ZNF804B: variants seen among roughly 807,000 people sequenced by gnomAD.
The protein encoded by ZNF804B is zinc finger 804B.
A neutral mutation model predicts 101.4 loss-of-function variants in ZNF804B; 80 were observed. That is an observed-to-expected ratio of 0.79 (90% CI 0.66 to 0.95). The LOEUF is 0.95. Ranked by LOEUF, ZNF804B falls within the 40% of genes least tolerant of loss-of-function variation. The probability of loss-of-function intolerance (pLI) is 0.00; values close to 1 mark genes in which losing one functional copy is unlikely to be tolerated. For missense variants in ZNF804B, 1,673 were observed against 1,561.9 expected (o/e 1.07, Z -1.20); for synonymous variants, 622 against 558.8 (o/e 1.11, Z -1.59).
chr7:89,031,990 C>G (rs1788843653), intron 1 of ZNF804B, among the ~76,000 whole-genome samples: 1 of 151,624 alleles, frequency 6.6e-6, no homozygotes, highest in Non-Finnish European at 1.5e-5. Flanking sequence ...TTGATACAAC[C>G]TGTTCAGTGG....
chr7:89,308,089 TGA>T (rs1412584910), intron 2 of ZNF804B, among the ~76,000 whole-genome samples: 2 of 152,156 alleles, frequency 1.3e-5, no homozygotes, highest in Non-Finnish European at 2.9e-5. Flanking sequence ...AGAAAAAAAG[TGA>T]GTCTTCTGAG....
intron 2 of ZNF804B, 118 bp downstream of exon 2, chr7:89,218,413 C>A: frequency 8.3e-7 from 1 of 1,208,292 alleles, no homozygotes; most frequent in Non-Finnish European, 1.2e-6. Context: ...CATTTTATGT[C>A]TTTTTTCCCC....
At chr7:89,064,604 C>A (rs773271476) in intron 1 of ZNF804B, among the ~76,000 whole-genome samples, 1 of 152,058 alleles carries the variant, frequency 6.6e-6, no homozygotes, top group Non-Finnish European at 1.5e-5. Context: ...AACAAAAATC[C>A]TGATCCTTTC....
chr7:89,067,564 CAG>C (rs1789472317), intron 1 of ZNF804B, among the ~76,000 whole-genome samples: 2 of 152,152 alleles, frequency 1.3e-5, no homozygotes, highest in African/African-American at 4.8e-5. Flanking sequence ...TGCCAACACT[CAG>C]TGTTATTGGC....
intron 1 of ZNF804B, among the ~76,000 whole-genome samples, chr7:88,887,831 G>A (rs1347083036): frequency 6.6e-6 from 1 of 151,262 alleles, no homozygotes; most frequent in Non-Finnish European, 1.5e-5. Context: ...ATCCTACCCA[G>A]TCTCCACAAA....
rs73393249 is a variant in ZNF804B at position 89,123,429 on chromosome 7, T to C, written c.109-94726T>C. 7.5e-3 allele frequency among the ~76,000 whole-genome samples: 1,140 copies of C among 152,296 alleles called. 17 individuals are homozygous for C. Among genetic ancestry groups the C allele is most frequent in the African/African-American group, 0.026 (1,065 of 41,562 alleles). On this transcript the variant is annotated intron_variant, in intron 1 of 3. Transcript: ENST00000333190. ...AGATGTATTACAGATGCATCAGTGA[T>C]ACACTGTAAATCGATACCTTGAAAT...
In ZNF804B at chr7:88,826,790, G is replaced by A. The variant is rs146347959; in HGVS notation, c.108+66706G>A. 2.4e-3 allele frequency among the ~76,000 whole-genome samples: 369 copies of A among 152,160 alleles called. 3 individuals are homozygous for A. The highest frequency in any genetic ancestry group is 8.1e-3 in the African/African-American group (336 of 41,530). On this transcript the variant is annotated intron_variant, in intron 1 of 3. Transcript: ENST00000333190. ...GTTACATAATTTCAGAGCCAGAAGC[G>A]ATCCTGGAAAATTTATGCAGTATTA... is the stretch of plus-strand genomic sequence containing the variant.
intron 1 of ZNF804B, among the ~76,000 whole-genome samples, chr7:88,949,881 G>C (rs541478879): frequency 5.9e-5 from 9 of 151,864 alleles, no homozygotes; most frequent in Non-Finnish European, 1.2e-4. Context: ...GGAGCGGTAG[G>C]CTATATCATG....
At chr7:89,024,157 T>C (rs1282217587) in intron 1 of ZNF804B, among the ~76,000 whole-genome samples, 1 of 152,220 alleles carries the variant, frequency 6.6e-6, no homozygotes, top group Non-Finnish European at 1.5e-5. Flanking sequence ...AGATATAACG[T>C]AGACTATGAA....
chr7:89,273,472 G>T (rs542732242), intron 2 of ZNF804B, among the ~76,000 whole-genome samples: 1 of 152,132 alleles, frequency 6.6e-6, no homozygotes, highest in South Asian at 2.1e-4. Context: ...ACTTAAAGTG[G>T]TCAAGTTCTA....
chr7:88,805,846 C>A (rs1443238577), intron 1 of ZNF804B, among the ~76,000 whole-genome samples: 2 of 152,106 alleles, frequency 1.3e-5, no homozygotes, highest in African/African-American at 2.4e-5. Flanking sequence ...TACATATGTG[C>A]CACTGTTGGC....
chr7:88,923,681 T>C (rs945528806), intron 1 of ZNF804B, among the ~76,000 whole-genome samples: 1 of 152,094 alleles, frequency 6.6e-6, no homozygotes, highest in East Asian at 1.9e-4. Flanking sequence ...ATTAATTCTG[T>C]CATCTTTCTC....
intron 2 of ZNF804B, among the ~76,000 whole-genome samples, chr7:89,272,030 A>T (rs1789906507): frequency 6.6e-6 from 1 of 152,044 alleles, no homozygotes; most frequent in South Asian, 2.1e-4. Context: ...TAAGGTTCAA[A>T]ATTCTTAGTA....
chr7:88,948,128 A>G lies in ZNF804B; in HGVS notation c.108+188044A>G, dbSNP rs187904841. 8.9e-3 allele frequency among the ~76,000 whole-genome samples: 1,358 copies of G among 151,918 alleles called. 17 individuals are homozygous for G. The highest frequency in any genetic ancestry group is 0.012 in the Non-Finnish European group (813 of 67,878). On this transcript the variant is annotated intron_variant, in intron 1 of 3. Coordinates refer to ENST00000333190, the MANE Select transcript of ZNF804B (RefSeq NM_181646.5). ...CCAGGAGACTTTCCAGATCTCCTTG[A>G]TAACCGGAGATGGGGACTTCCCAGA...
chr7:89,071,160 T>G (rs1789532946), intron 1 of ZNF804B, among the ~76,000 whole-genome samples: 2 of 152,150 alleles, frequency 1.3e-5, no homozygotes, highest in Admixed American at 6.6e-5. Flanking sequence ...AAAAACTATG[T>G]ACATGTTCAA....
In ZNF804B at chr7:89,131,409, A is replaced by G. The variant is rs550119241; in HGVS notation, c.109-86746A>G. ...GTAATAAAATATTGCCAGCCTTCAT[A>G]GGCAACTCATCATCACTGTTAAAAC... is the stretch of plus-strand genomic sequence containing the variant. On this transcript the variant is annotated intron_variant, in intron 1 of 3. Coordinates refer to ENST00000333190, the MANE Select transcript of ZNF804B (RefSeq NM_181646.5). Among the ~76,000 whole-genome samples, 4 of 152,132 alleles carry G rather than the reference A, an allele frequency of 2.6e-5. No individual in the cohort carries two copies. The South Asian group carries it at 8.3e-4, about 32-fold the overall frequency.
At chr7:89,291,047 T>C (rs911790385) in intron 2 of ZNF804B, among the ~76,000 whole-genome samples, 4 of 152,220 alleles carry the variant, frequency 2.6e-5, no homozygotes, top group Admixed American at 6.5e-5. Context: ...AGTACCTCTA[T>C]AGGTCTGCAA....
chr7:89,008,061 GA>G (rs1788396164), intron 1 of ZNF804B, among the ~76,000 whole-genome samples: 2 of 152,034 alleles, frequency 1.3e-5, no homozygotes, highest in South Asian at 4.1e-4. Context: ...CTAGATAATA[GA>G]AAATCGGTTA....
Position 89,042,362 on chromosome 7 carries a change from T to C in ZNF804B, c.109-175793T>C, listed in dbSNP as rs377728233. On this transcript the variant is annotated intron_variant, in intron 1 of 3. Coordinates refer to ENST00000333190, the MANE Select transcript of ZNF804B (RefSeq NM_181646.5). The stretch of plus-strand genomic sequence containing the variant: ...ATGAAAGAAACCAGTTTGAGGTGTT[T>C]CATGAGGGTTTTTCATAGAGAATAT... Among the ~76,000 whole-genome samples, 5 of 152,262 alleles carry C rather than the reference T, an allele frequency of 3.3e-5. No individual in the cohort carries two copies. In the South Asian group the frequency reaches 1.0e-3, roughly 32 times the overall value.
Sources: gnomAD v4.1 joint callset for allele counts (sites outside exome capture counted in the v4.1 genomes callset) on GRCh38, gnomAD v4.1.1 for gene constraint, MANE v1.5 for transcripts, NCBI Gene and HGNC (gene_info 2026-07-23, HGNC 2026-07-21) for gene names.